Variants in CCNJ observed in about 807,000 individuals in gnomAD.
CCNJ encodes the protein cyclin J, also known as cyclin-J.
CCNJ carries 12 observed loss-of-function variants against 41.4 expected under a neutral mutation model. That is an observed-to-expected ratio of 0.29 (90% CI 0.19 to 0.47). The LOEUF is 0.47. Among genes scored for constraint, CCNJ ranks in the 20% least tolerant of loss-of-function variants. The pLI is 1.00. For synonymous variants in CCNJ, 161 were observed against 173.4 expected (o/e 0.93, Z 0.56); for missense variants, 340 against 464.6 (o/e 0.73, Z 2.47).
At chr10:96,044,136 G>C (rs1307012161) in intron 1 of CCNJ, among the ~76,000 whole-genome samples, 1 of 152,188 alleles carries the variant, frequency 6.6e-6, no homozygotes, top group Non-Finnish European at 1.5e-5. Context: ...ACACATAGTC[G>C]AGCAGTGAGT....
At position 96,059,273 on chromosome 10, in the gene CCNJ, G is replaced by C. The variant is rs913267200; in HGVS notation, c.*1032G>C. On this transcript the variant is annotated 3_prime_UTR_variant, in exon 6 of 6. Transcript: ENST00000465148. The stretch of plus-strand genomic sequence containing the variant: ...TAGGTTTATTTTGGAAGGGACTGTG[G>C]CCAGGGTAGTTCTCAGGTTGTGCTA... 1 of 152,658 alleles carries C rather than the reference G, an allele frequency of 6.6e-6. No individual in the cohort carries two copies. Among genetic ancestry groups the C allele is most frequent in the Non-Finnish European group, 1.5e-5 (1 of 68,052 alleles). The allele number at this position is 152,658 out of a possible 1,614,324, so 9.5% of individuals were successfully genotyped here.
intron 2 of CCNJ, among the ~76,000 whole-genome samples, chr10:96,047,923 C>T (rs2080409184): frequency 6.6e-6 from 1 of 151,886 alleles, no homozygotes; most frequent in Non-Finnish European, 1.5e-5. Context: ...TCTTCCTGAT[C>T]CTCTTCCTCC....
chr10:96,055,760 A>G (rs1478931533), intron 3 of CCNJ, among the ~76,000 whole-genome samples: 2 of 152,178 alleles, frequency 1.3e-5, no homozygotes, highest in Non-Finnish European at 2.9e-5. Flanking sequence ...GCTTTCAGTA[A>G]GGGAATTTAA....
At chr10:96,055,542 T>G (rs1416163011) in intron 3 of CCNJ, among the ~76,000 whole-genome samples, 1 of 152,212 alleles carries the variant, frequency 6.6e-6, no homozygotes. Context: ...CTTACTAAAA[T>G]GAAGCCTTTA....
intron 2 of CCNJ, among the ~76,000 whole-genome samples, chr10:96,045,580 G>T (rs2080339699): frequency 6.6e-6 from 1 of 152,132 alleles, no homozygotes; most frequent in Non-Finnish European, 1.5e-5. Flanking sequence ...CCCCCTAGGA[G>T]ATGGTTTATA....
At chr10:96,045,684 T>C (rs1242489847) in intron 2 of CCNJ, among the ~76,000 whole-genome samples, 1 of 113,758 alleles carries the variant, frequency 8.8e-6, no homozygotes, top group Non-Finnish European at 2.0e-5. Context: ...CTTTTGATCT[T>C]TTTTTTTTTT....
chr10:96,052,293 G>A lies in CCNJ; in HGVS notation c.280+1827G>A, dbSNP rs149710304. On this transcript the variant is annotated intron_variant, in intron 3 of 5. Transcript: ENST00000465148. The stretch of plus-strand genomic sequence containing the variant: ...CACACGTGACAGTTTAGATGTGTGA[G>A]TCCACAAATAAAATGGATTTTTGTT... 7.8e-3 allele frequency among the ~76,000 whole-genome samples: 1,194 copies of A among 152,308 alleles called. 16 individuals carry two copies. The highest frequency in any genetic ancestry group is 0.026 in the African/African-American group (1,075 of 41,566).
chr10:96,058,090 C>T lies in CCNJ; in HGVS notation c.1001C>T (p.Thr334Ile), dbSNP rs1564708796. ...TLQTCPAGFQ[T>I]SVQGLGHMQT... is the part of the protein sequence containing the mutation. ...CAGACATGTCCTGCTGGCTTCCAAA[C>T]TAGTGTTCAGGGCCTTGGGCACATG... Residue 334 changes from threonine to isoleucine, a missense_variant, in exon 6 of 6, where the codon ACT becomes ATT. Thr to Ile is a moderately conservative substitution (Grantham distance 89, BLOSUM62 -1). Transcript: ENST00000465148. The T allele has an allele frequency of 9.9e-6, 16 of 1,614,200 alleles. No individual in the cohort carries two copies. The highest frequency in any genetic ancestry group is 1.3e-5 in the Non-Finnish European group (15 of 1,180,038).
rs1355135969 is a variant in CCNJ, at chr10:96,058,048, C to A, written c.959C>A (p.Thr320Asn). ...CAGCAGATTGTATCGACCACACACA[C>A]CTCATCTTACACACTACAGACATGT... is the stretch of plus-strand genomic sequence containing the variant. Reference protein sequence around the residue: ...SCQQIVSTTHTSSYTLQTCPA... With the variant: ...SCQQIVSTTHNSSYTLQTCPA... Residue 320 changes from threonine to asparagine, a missense_variant, in exon 6 of 6, where the codon ACC (threonine) becomes AAC (asparagine). By Grantham distance (65) the Thr-to-Asn change is moderately conservative. Coordinates refer to ENST00000465148, the MANE Select transcript of CCNJ (RefSeq NM_001134375.2). The A allele has an allele frequency of 6.2e-7, 1 of 1,614,080 alleles. No homozygotes were observed. The highest frequency in any genetic ancestry group is 1.1e-5 in the South Asian group (1 of 91,086).
chr10:96,047,033 C>T (rs2080383269), intron 2 of CCNJ, among the ~76,000 whole-genome samples: 1 of 152,098 alleles, frequency 6.6e-6, no homozygotes, highest in South Asian at 2.1e-4. Flanking sequence ...CCTTTTTTCC[C>T]CAACTCCCTA....
intron 3 of CCNJ, among the ~76,000 whole-genome samples, chr10:96,056,358 C>A (rs1403495708): frequency 6.6e-6 from 1 of 151,744 alleles, no homozygotes; most frequent in Admixed American, 6.6e-5. Context: ...ATTTATTTTA[C>A]CAGCTACCAC....
intron 1 of CCNJ, 91 bp downstream of exon 1, chr10:96,043,810 C>G (rs747133198): frequency 3.1e-5 from 12 of 385,536 alleles, no homozygotes; most frequent in Non-Finnish European, 5.5e-5. Context: ...CAGAGCCTGG[C>G]TGGCCCGGCC....
chr10:96,057,582 C>T (rs1264937820), intron 5 of CCNJ, among the ~76,000 whole-genome samples: 13 of 152,164 alleles, frequency 8.5e-5, no homozygotes, highest in African/African-American at 2.9e-4. Context: ...GCCACACTTA[C>T]GTGCTTATTA....
At chr10:96,044,546 G>C in intron 2 of CCNJ, 84 bp downstream of exon 2, 1 of 1,086,766 alleles carries the variant, frequency 9.2e-7, no homozygotes, top group South Asian at 2.7e-5. Context: ...GGTCTAGTCA[G>C]GTTCTTTACT....
rs780219375 is a variant in CCNJ at position 96,058,692 on chromosome 10, T to A, written c.*451T>A. On this transcript the variant is annotated 3_prime_UTR_variant, in exon 6 of 6. Coordinates refer to ENST00000465148, the MANE Select transcript of CCNJ (RefSeq NM_001134375.2). ...TATTAATTTTTGAAAAGGTTTTTTT[T>A]ATTCTGCAATTTTTTATTTTTGTTC... The A allele has an allele frequency of 3.5e-5, 14 of 397,158 alleles. No homozygotes were observed. Among genetic ancestry groups the A allele is most frequent in the Non-Finnish European group, 4.9e-5 (11 of 225,442 alleles). 24.6% of individuals were successfully genotyped at this position (397,158 alleles called of 1,614,324 possible).
In CCNJ at chr10:96,058,659, A is replaced by C. The variant is rs1377457173; in HGVS notation, c.*418A>C. ...TGCCAAACAGTCTTTTATGAAGGAA[A>C]GTTACAGTATTAATTTTTGAAAAGG... On this transcript the variant is annotated 3_prime_UTR_variant, in exon 6 of 6. Transcript: ENST00000465148. The C allele has an allele frequency of 5.0e-6, 2 of 400,026 alleles. No homozygotes were observed. Among genetic ancestry groups the C allele is most frequent in the African/African-American group, 4.1e-5 (2 of 48,640 alleles). The allele number at this position is 400,026 out of a possible 1,614,324, so 24.8% of individuals were successfully genotyped here.
chr10:96,045,628 TTA>T (rs2080341284), intron 2 of CCNJ, among the ~76,000 whole-genome samples: 1 of 149,580 alleles, frequency 6.7e-6, no homozygotes, highest in South Asian at 2.1e-4. Flanking sequence ...CTCTGGAGTG[TTA>T]GTTAGGAAAG....
intron 2 of CCNJ, among the ~76,000 whole-genome samples, chr10:96,048,672 T>G (rs779272471): frequency 8.5e-5 from 13 of 152,218 alleles, no homozygotes; most frequent in Non-Finnish European, 1.6e-4. Context: ...GGTAACTCAT[T>G]AAGTGGAATC....
At chr10:96,049,846 C>T (rs2142041541) in intron 2 of CCNJ, among the ~76,000 whole-genome samples, 1 of 152,202 alleles carries the variant, frequency 6.6e-6, no homozygotes, top group South Asian at 2.1e-4. Context: ...TGCAGCATAT[C>T]CACTTATCTA....
Sources: allele counts gnomAD v4.1 joint callset (sites outside exome capture counted in the v4.1 genomes callset), GRCh38; gene constraint gnomAD v4.1.1; transcripts MANE v1.5; gene names NCBI Gene and HGNC (gene_info 2026-07-23, HGNC 2026-07-21).